CCDC47: variants seen among roughly 807,000 people sequenced by gnomAD.
CCDC47 encodes coiled-coil domain containing 47.
A neutral mutation model predicts 60.5 loss-of-function variants in CCDC47; 41 were observed. The observed-to-expected ratio is 0.68, with a 90% CI of 0.53 to 0.88. CCDC47 has a LOEUF of 0.88. Among genes scored for constraint, CCDC47 ranks in the 40% least tolerant of loss-of-function variants. The pLI, the probability that CCDC47 is intolerant of heterozygous loss-of-function variation, is 0.00. For missense variants in CCDC47, 513 were observed against 580.9 expected (o/e 0.88, Z 1.20); for synonymous variants, 195 against 190.7 (o/e 1.02, Z -0.18).
At position 63,746,863 on chromosome 17, in the gene CCDC47, C is replaced by CA; in HGVS notation, c.*17dup. 2 of 1,596,586 alleles carry CA rather than the reference C, an allele frequency of 1.3e-6. No homozygotes were observed. On this transcript the variant is annotated 3_prime_UTR_variant, in exon 13 of 13. Transcript: ENST00000225726. The stretch of plus-strand genomic sequence containing the variant: ...AGAGCTTACAGGTGGCATCAGAACT[C>CA]AAATCTCTGGGATGGCTTTACATGG...
At chr17:63,765,082 T>C (rs554112425) in intron 2 of CCDC47, 16 of 366,622 alleles carry the variant, frequency 4.4e-5, no homozygotes, top group African/African-American at 3.5e-4. Context: ...TATTGTAGAC[T>C]TGAAATCTGC....
At chr17:63,757,208 A>G (rs949041963) in intron 6 of CCDC47, among the ~76,000 whole-genome samples, 1 of 151,422 alleles carries the variant, frequency 6.6e-6, no homozygotes, top group Non-Finnish European at 1.5e-5. Flanking sequence ...AAAAAAAAAA[A>G]AAAAGAAAGA....
chr17:63,754,318 G>T, intron 9 of CCDC47, 115 bp downstream of exon 9: 1 of 686,700 alleles, frequency 1.5e-6, no homozygotes, highest in Non-Finnish European at 2.6e-6. Flanking sequence ...GTGGAGGCCT[G>T]TCACCAACTT....
chr17:63,757,999 G>C (rs893741702), intron 6 of CCDC47, among the ~76,000 whole-genome samples: 5 of 152,120 alleles, frequency 3.3e-5, no homozygotes, highest in African/African-American at 4.8e-5. Context: ...AAAAACTCTT[G>C]AACAAGATTT....
At chr17:63,769,470 C>T (rs113760498) in intron 1 of CCDC47, among the ~76,000 whole-genome samples, 20 of 150,888 alleles carry the variant, frequency 1.3e-4, no homozygotes, top group Middle Eastern at 6.8e-3. Context: ...AAAAATTAGC[C>T]GGGCATGGTG....
At chr17:63,758,390 G>A (rs1200880262) in intron 6 of CCDC47, among the ~76,000 whole-genome samples, 1 of 152,092 alleles carries the variant, frequency 6.6e-6, no homozygotes, top group Non-Finnish European at 1.5e-5. Flanking sequence ...GAACTGAATT[G>A]AGGCTGGGCA....
chr17:63,760,062 CAAAAAAA>C (rs10643408), intron 6 of CCDC47, among the ~76,000 whole-genome samples: 5 of 98,436 alleles, frequency 5.1e-5, no homozygotes, highest in East Asian at 2.9e-4. Flanking sequence ...GACTCCGTCT[CAAAAAAA>C]AAAAAAAAAA....
At chr17:63,755,296 CA>C (rs1217015651) in intron 8 of CCDC47, 10 of 984,776 alleles carry the variant, frequency 1.0e-5, no homozygotes, top group Non-Finnish European at 4.8e-6. Flanking sequence ...AATTAAATTT[CA>C]ATAAGATAGG....
At chr17:63,751,041 ATT>A (rs11322927) in intron 12 of CCDC47, among the ~76,000 whole-genome samples, 191 of 143,754 alleles carry the variant, frequency 1.3e-3, no homozygotes, top group Admixed American at 1.2e-3. Flanking sequence ...TGCACAGCTA[ATT>A]TTTTTTTTTT....
chr17:63,767,985 C>A (rs2039309408), intron 1 of CCDC47, among the ~76,000 whole-genome samples: 1 of 152,164 alleles, frequency 6.6e-6, no homozygotes, highest in South Asian at 2.1e-4. Context: ...GTTACCCCCA[C>A]CTGCTGAAGA....
At chr17:63,757,374 AT>A (rs1240917837) in intron 6 of CCDC47, among the ~76,000 whole-genome samples, 14 of 125,230 alleles carry the variant, frequency 1.1e-4, no homozygotes, top group Admixed American at 8.4e-4. Flanking sequence ...CTCAAAAAAA[AT>A]TAAAAAAAAA....
At chr17:63,747,757 A>T (rs781395980) in intron 12 of CCDC47, 7 of 985,384 alleles carry the variant, frequency 7.1e-6, no homozygotes, top group Non-Finnish European at 8.4e-6. Flanking sequence ...AGAAAAGAAG[A>T]AGTGCAAAGC....
chr17:63,767,791 T>C (rs1196046535), intron 1 of CCDC47, among the ~76,000 whole-genome samples: 3 of 152,206 alleles, frequency 2.0e-5, no homozygotes, highest in Non-Finnish European at 4.4e-5. Flanking sequence ...AATCCCTGCC[T>C]ATAGTCATCT....
intron 2 of CCDC47, chr17:63,765,107 G>T (rs1396626108): frequency 1.0e-5 from 2 of 197,302 alleles, no homozygotes; most frequent in Non-Finnish European, 1.7e-5. Context: ...AGAATATATT[G>T]TAAGTATTCT....
chr17:63,766,164 G>A lies in CCDC47; in HGVS notation c.12C>T (p.Phe4=), dbSNP rs749246036. 1 of 1,609,376 alleles carries A rather than the reference G, an allele frequency of 6.2e-7. No homozygotes were observed. Among genetic ancestry groups the A allele is most frequent in the Admixed American group, 1.7e-5 (1 of 58,992 alleles). ...CCAGAAGGACAACACAGAAAGTGTG[G>A]AAGGCTTTCATTGCACCTTGAGAAA... The part of the protein sequence containing the change: MKA[F]HTFCVVLLVF... The change falls in exon 2 of 13, where the codon TTC becomes TTT. Residue 4 remains phenylalanine, a synonymous_variant. Coordinates refer to ENST00000225726, the MANE Select transcript of CCDC47 (RefSeq NM_020198.3).
At chr17:63,764,904 T>G in intron 2 of CCDC47, 57 bp from the exon 3 acceptor site, 4 of 1,564,630 alleles carry the variant, frequency 2.6e-6, no homozygotes, top group Non-Finnish European at 3.5e-6. Flanking sequence ...CAGCTGTGTC[T>G]CATTTTGTTG....
At chr17:63,758,322 G>A (rs1199813751) in intron 6 of CCDC47, among the ~76,000 whole-genome samples, 1 of 152,180 alleles carries the variant, frequency 6.6e-6, no homozygotes, top group African/African-American at 2.4e-5. Flanking sequence ...GGGCAGTCTT[G>A]TGGGGCTGAG....
At chr17:63,761,680 G>C (rs950493842) in intron 4 of CCDC47, 1 of 266,432 alleles carries the variant, frequency 3.8e-6, no homozygotes, top group African/African-American at 2.5e-5. Flanking sequence ...CTGGATGACA[G>C]AGCAAGACTC....
chr17:63,753,238 A>C, intron 9 of CCDC47: 1 of 894,720 alleles, frequency 1.1e-6, no homozygotes, highest in Non-Finnish European at 1.3e-6. Context: ...ATTTAGGGAT[A>C]ATCTACTACA....
Sources: gnomAD v4.1 joint callset for allele counts (sites outside exome capture counted in the v4.1 genomes callset) on GRCh38, gnomAD v4.1.1 for gene constraint, MANE v1.5 for transcripts, NCBI Gene and HGNC (gene_info 2026-07-23, HGNC 2026-07-21) for gene names.